NLRP13: variants seen among roughly 807,000 people sequenced by gnomAD.
NLRP13 encodes NACHT, LRR and PYD domains-containing protein 13.
A neutral mutation model predicts 94.4 loss-of-function variants in NLRP13; 82 were observed. The observed-to-expected ratio is 0.87, with a 90% CI of 0.73 to 1.04. The LOEUF is 1.04. NLRP13 is among the 50% of genes least tolerant of loss of function. The pLI is 0.00. For synonymous variants in NLRP13, 553 were observed against 464.7 expected (o/e 1.19, Z -2.45); for missense variants, 1,426 against 1,230.8 (o/e 1.16, Z -2.37).
intron 3 of NLRP13, 114 bp downstream of exon 3, chr19:55,924,475 TA>T: frequency 1.3e-6 from 1 of 741,626 alleles, no homozygotes. Context: ...AAAGAGTTTT[TA>T]ATTTTTTATG....
intron 7 of NLRP13, 60 bp from the exon 8 acceptor site, chr19:55,905,172 T>C: frequency 6.3e-7 from 1 of 1,582,554 alleles, no homozygotes; most frequent in East Asian, 2.2e-5. Context: ...CCTCTACCTT[T>C]CTCTCTCAAC....
chr19:55,925,058 C>T (rs1380469941), intron 1 of NLRP13, 23 bp from the exon 2 acceptor site: 5 of 1,609,184 alleles, frequency 3.1e-6, no homozygotes, highest in Non-Finnish European at 4.3e-6. Context: ...GTGATGATGA[C>T]ATATGAGAAT....
At position 55,924,630 on chromosome 19, in the gene NLRP13, A is replaced by G; in HGVS notation, c.417T>C (p.Asp139=). The G allele has an allele frequency of 6.2e-7, 1 of 1,613,526 alleles. No homozygotes were observed. Reference sequence around the variant, plus strand: ...GCTCGTCTAGTTCTTCTTGGTTTGGATCTTGGCATCCCTGGGTCTGCATAT... The same window carrying G: ...GCTCGTCTAGTTCTTCTTGGTTTGGGTCTTGGCATCCCTGGGTCTGCATAT... ...AGNMQTQGCQ[D]PNQEELDELE... The change falls in exon 3 of 11, where the codon GAT becomes GAC. Residue 139 remains aspartate, a synonymous_variant. Transcript: ENST00000342929.
At chr19:55,929,395 A>G (rs1987049864) in intron 1 of NLRP13, among the ~76,000 whole-genome samples, 2 of 152,220 alleles carry the variant, frequency 1.3e-5, no homozygotes, top group Non-Finnish European at 2.9e-5. Flanking sequence ...TCAATGATAG[A>G]TTGGATGAAG....
intron 4 of NLRP13, among the ~76,000 whole-genome samples, chr19:55,916,850 T>C (rs963999171): frequency 1.3e-5 from 2 of 151,748 alleles, no homozygotes; most frequent in African/African-American, 4.9e-5. Context: ...GGCATCCAAA[T>C]ATAAGAGGAT....
At chr19:55,907,581 A>G (rs1474596332) in intron 7 of NLRP13, among the ~76,000 whole-genome samples, 1 of 152,106 alleles carries the variant, frequency 6.6e-6, no homozygotes, top group Non-Finnish European at 1.5e-5. Context: ...CAAAAACAAA[A>G]CAAAATAAAA....
intron 4 of NLRP13, among the ~76,000 whole-genome samples, chr19:55,923,600 G>C (rs1386110742): frequency 6.6e-6 from 1 of 152,174 alleles, no homozygotes; most frequent in Non-Finnish European, 1.5e-5. Context: ...GTGCCAGCTT[G>C]TCAGGGCAGC....
chr19:55,909,743 G>A (rs1986451548), intron 6 of NLRP13, among the ~76,000 whole-genome samples: 1 of 152,144 alleles, frequency 6.6e-6, no homozygotes, highest in Non-Finnish European at 1.5e-5. Flanking sequence ...TCCAGAATTG[G>A]TAATAGAAGG....
At chr19:55,927,370 A>AAAAAAAAAAATAGG (rs1986992161) in intron 1 of NLRP13, among the ~76,000 whole-genome samples, 1 of 33,144 alleles carries the variant, frequency 3.0e-5, no homozygotes, top group African/African-American at 2.0e-4. Context: ...TCCATCTAGG[A>AAAAAAAAAAATAGG]AAAAAAAAAA....
chr19:55,906,257 G>C (rs766366900), intron 7 of NLRP13, among the ~76,000 whole-genome samples: 28 of 146,526 alleles, frequency 1.9e-4, no homozygotes, highest in Non-Finnish European at 3.1e-4. Flanking sequence ...AGAATTGCTT[G>C]AACCCAGGAG....
chr19:55,927,310 G>A (rs1290580818), intron 1 of NLRP13, among the ~76,000 whole-genome samples: 2 of 150,478 alleles, frequency 1.3e-5, no homozygotes, highest in African/African-American at 4.9e-5. Flanking sequence ...AGAGGTTGCA[G>A]TGAGCCGAGA....
At position 55,900,680 on chromosome 19, in the gene NLRP13, ACAGGAGAATGACGTGAACC is replaced by A. The variant is rs534146916; in HGVS notation, c.2789+1336_2789+1354del. Reference sequence around the variant, plus strand: ...AGTCCCAGCTACACGGGAGGCTGAGACAGGAGAATGACGTGAACCCAGGAGGCTGAGCTTGCAGTGAGCT... The same window carrying A: ...AGTCCCAGCTACACGGGAGGCTGAGACAGGAGGCTGAGCTTGCAGTGAGCT... On this transcript the variant is annotated intron_variant, in intron 9 of 10. Transcript: ENST00000342929. 3.3e-5 allele frequency among the ~76,000 whole-genome samples: 5 copies of A among 151,730 alleles called. No individual in the cohort carries two copies. The South Asian group carries it at 1.0e-3, about 32-fold the overall frequency.
intron 8 of NLRP13, among the ~76,000 whole-genome samples, chr19:55,903,603 A>C (rs1986252374): frequency 1.3e-5 from 2 of 151,970 alleles, no homozygotes; most frequent in Admixed American, 1.3e-4. Context: ...TCAAGCTCCT[A>C]TACCCCCAAC....
intron 8 of NLRP13, among the ~76,000 whole-genome samples, chr19:55,902,461 G>C (rs1323659453): frequency 6.7e-6 from 1 of 149,660 alleles, no homozygotes; most frequent in Non-Finnish European, 1.5e-5. Context: ...AAAAAATAAA[G>C]AAAAAAAAAA....
chr19:55,899,953 GTTTT>G (rs34231494), intron 9 of NLRP13, among the ~76,000 whole-genome samples: 2 of 141,066 alleles, frequency 1.4e-5, no homozygotes, highest in African/African-American at 2.6e-5. Flanking sequence ...TATAATTGTT[GTTTT>G]TTTTTTTTTT....
chr19:55,907,148 C>T (rs1439501657), intron 7 of NLRP13, among the ~76,000 whole-genome samples: 4 of 152,008 alleles, frequency 2.6e-5, no homozygotes, highest in Non-Finnish European at 4.4e-5. Context: ...TTAGTAGAGA[C>T]GGGGTTTCAC....
chr19:55,912,106 G>A lies in NLRP13; in HGVS notation c.1711C>T (p.Gln571Ter), dbSNP rs946016405. The A allele has an allele frequency of 1.5e-5, 25 of 1,614,074 alleles. No individual in the cohort carries two copies. The highest frequency in any genetic ancestry group is 1.9e-5 in the Non-Finnish European group (23 of 1,180,048). Residue 571 changes from glutamine (Q) to a stop codon, truncating the protein, a stop_gained, in exon 5 of 11, where the codon CAA becomes TAA. Transcript: ENST00000342929. LOFTEE classifies it high-confidence loss of function. ...GCTTCTTTGTCAAGCAAGACGTGTT[G>A]CAGTAACATCTTCATCTCTTGTGGC... ...TKPQEMKMLL[Q>*]HVLLDKEAYW...
downstream of NLRP13, chr19:55,895,942 G>A: frequency 6.2e-7 from 1 of 1,613,510 alleles, no homozygotes; most frequent in Non-Finnish European, 8.5e-7. Context: ...AAGTCAGTGA[G>A]GTTTACCCGA....
At chr19:55,931,081 C>T (rs1987120453) in intron 1 of NLRP13, among the ~76,000 whole-genome samples, 2 of 151,658 alleles carry the variant, frequency 1.3e-5, no homozygotes, top group Non-Finnish European at 2.9e-5. Context: ...AAAACATGAA[C>T]TTTGCTTGTG....
Sources: gnomAD v4.1 joint callset for allele counts (sites outside exome capture counted in the v4.1 genomes callset) on GRCh38, gnomAD v4.1.1 for gene constraint, MANE v1.5 for transcripts, NCBI Gene and HGNC (gene_info 2026-07-23, HGNC 2026-07-21) for gene names.